PSMB10: variants seen among roughly 807,000 people sequenced by gnomAD.
PSMB10 encodes proteasome 20S subunit beta 10.
A neutral mutation model predicts 29.8 loss-of-function variants in PSMB10; 29 were observed. The ratio of observed to expected loss-of-function variants is 0.97; its 90% CI spans 0.73 to 1.33. The LOEUF (loss-of-function observed/expected upper bound fraction) is 1.33. PSMB10 is among the 40% of genes most tolerant of loss of function. PSMB10 has a pLI of 0.00. For synonymous variants in PSMB10, 157 were observed against 164.7 expected (o/e 0.95, Z 0.36); for missense variants, 327 against 369.2 (o/e 0.89, Z 0.94).
At chr16:67,935,363 A>G in intron 6 of PSMB10, 57 bp downstream of exon 6, 1 of 1,604,316 alleles carries the variant, frequency 6.2e-7, no homozygotes, top group Non-Finnish European at 8.5e-7. Context: ...GTGCTCCCCC[A>G]GCTCCCGGGT....
rs138394638 is a variant in PSMB10 at position 67,935,624 on chromosome 16, G to C, written c.457C>G (p.His153Asp). Residue 153 changes from histidine (H) to aspartate (D), a missense_variant, in exon 5 of 8, where the codon CAT (histidine) becomes GAT (aspartate). His to Asp is a moderately conservative substitution (Grantham distance 81). Coordinates refer to ENST00000358514, the MANE Select transcript of PSMB10 (RefSeq NM_002801.4). ...DLTGPQLYGVHPHGSYSRLPF... is the reference protein window; with the variant it reads ...DLTGPQLYGVDPHGSYSRLPF... Reference sequence around the variant, plus strand: ...AGACGGCTGTAGGAGCCATGGGGATGCACACCGTAGAGCTGCGGTCCAGTC... The same window carrying C: ...AGACGGCTGTAGGAGCCATGGGGATCCACACCGTAGAGCTGCGGTCCAGTC... 4 of 1,614,102 alleles carry C rather than the reference G, an allele frequency of 2.5e-6. No individual in the cohort carries two copies. In the African/African-American group the frequency reaches 5.3e-5, roughly 22 times the overall value.
In PSMB10 at chr16:67,934,690, A is replaced by C. The variant is rs1294813699; in HGVS notation, c.711-19T>G. The C allele has an allele frequency of 6.2e-7, 1 of 1,613,638 alleles. No homozygotes were observed. The highest frequency in any genetic ancestry group is 1.1e-5 in the South Asian group (1 of 91,054). ...GCCAGACCTGGGAGGGAGGAGGGAC[A>C]GCCTCTGAACATGGGCCTGTCATGT... On this transcript the variant is annotated intron_variant, in intron 7 of 7. Coordinates refer to ENST00000358514, the MANE Select transcript of PSMB10 (RefSeq NM_002801.4). The surrounding 1 kb of genome is among the most constrained non-coding windows in gnomAD (Gnocchi z 4.3).
At position 67,935,677 on chromosome 16, in the gene PSMB10, GC is replaced by G. The variant is rs759161390; in HGVS notation, c.403del (p.Ala135HisfsTer3). The part of the protein sequence containing the change: ...TLFRYQGHVG[A>X]SLIVGGVDLT... ...GTCTACGCCGCCCACGATCAGCGATGCACCCACGTGGCCCTGGTACCTGCTC... is the reference window on the plus strand; with the variant it reads ...GTCTACGCCGCCCACGATCAGCGATGACCCACGTGGCCCTGGTACCTGCTC... On this transcript the variant is annotated frameshift_variant, in exon 5 of 8. Coordinates refer to ENST00000358514, the MANE Select transcript of PSMB10 (RefSeq NM_002801.4). LOFTEE classifies it high-confidence loss of function. 1 of 1,613,928 alleles carries G rather than the reference GC, an allele frequency of 6.2e-7. No homozygotes were observed. The highest frequency in any genetic ancestry group is 8.5e-7 in the Non-Finnish European group (1 of 1,179,952).
chr16:67,936,342 TG>T lies in PSMB10; in HGVS notation c.145-31del, dbSNP rs773828181. On this transcript the variant is annotated intron_variant, in intron 2 of 7. Transcript: ENST00000358514. Reference sequence around the variant, plus strand: ...GGAGAGGGAGGGACCGCAGCTTCAGTGCCTGCTCGATACTCTCGGCTCCCCT... The same window carrying T: ...GGAGAGGGAGGGACCGCAGCTTCAGTCCTGCTCGATACTCTCGGCTCCCCT... 3.1e-6 allele frequency: 5 copies of T among 1,611,266 alleles called. No individual in the cohort carries two copies. The South Asian group carries it at 5.5e-5, about 18-fold the overall frequency.
chr16:67,934,928 C>A lies in PSMB10; in HGVS notation c.579G>T (p.Leu193=), dbSNP rs377389266. The part of the protein sequence containing the change: ...PNMTLEAAQG[L]LVEAVTAGIL... The stretch of plus-strand genomic sequence containing the variant: ...TCCCGGCGGTGACGGCTTCCACCAG[C>A]AGCCCCTGAGCAGCCTCCAGCTGCG... The change falls in exon 7 of 8, where the codon CTG becomes CTT. Residue 193 remains leucine, a synonymous_variant. Coordinates refer to ENST00000358514, the MANE Select transcript of PSMB10 (RefSeq NM_002801.4). The surrounding 1 kb of genome is among the most constrained non-coding windows in gnomAD (Gnocchi z 4.3). 2.6e-4 allele frequency: 420 copies of A among 1,612,398 alleles called. 7 individuals carry two copies. In the South Asian group the frequency reaches 3.8e-3, roughly 14 times the overall value.
chr16:67,934,551 A>T lies in PSMB10; in HGVS notation c.*9T>A. On this transcript the variant is annotated 3_prime_UTR_variant, in exon 8 of 8. Coordinates refer to ENST00000358514, the MANE Select transcript of PSMB10 (RefSeq NM_002801.4). This position sits in a 1 kb window ranked among gnomAD's most constrained non-coding sequence, Gnocchi z 4.3. ...TTATTCCCCCTTGTTCCAAGCTCTA[A>T]GCCTCAGCTTACTCCACCTCCATAG... is the stretch of plus-strand genomic sequence containing the variant. 6.2e-7 allele frequency: 1 copy of T among 1,610,490 alleles called. No homozygotes were observed. The highest frequency in any genetic ancestry group is 8.5e-7 in the Non-Finnish European group (1 of 1,176,708).
At position 67,936,697 on chromosome 16, in the gene PSMB10, T is replaced by G. The variant is rs202140443; in HGVS notation, c.53A>C (p.Gln18Pro). 1.4e-3 allele frequency: 2,128 copies of G among 1,554,954 alleles called. 4 individuals are homozygous for G. The highest frequency in any genetic ancestry group is 3.1e-3 in the Admixed American group (160 of 51,544). The change falls in exon 1 of 8, where the codon CAA becomes CCA. Residue 18 changes from glutamine to proline, a missense_variant. Transcript: ENST00000358514. ...PRGGFSFENC[Q>P]RNASLERVLP... ...GCCCCCCGCGCCCCCGCTTCACCTTTGGCAGTTCTCGAAGGAGAAGCCCCC... is the reference window on the plus strand; with the variant it reads ...GCCCCCCGCGCCCCCGCTTCACCTTGGGCAGTTCTCGAAGGAGAAGCCCCC...
chr16:67,935,005 C>G, intron 6 of PSMB10, 57 bp from the exon 7 acceptor site: 1 of 1,581,582 alleles, frequency 6.3e-7, no homozygotes, highest in Non-Finnish European at 8.6e-7. Context: ...ACTTAGGCTA[C>G]AGCCTGGGGA....
chr16:67,936,027 A>G lies in PSMB10; in HGVS notation c.319T>C (p.Leu107=), dbSNP rs20549. The G allele has an allele frequency of 0.2, 320,917 of 1,612,262 alleles. 39,887 individuals carry two copies. Among genetic ancestry groups the G allele is most frequent in the African/African-American group, 0.61 (45,893 of 74,934 alleles). ...ACGCGGGGCTCGCGGCCCGTAGATA[A>G]CGCGTGTAGCTCCATCTTGGACGCC... ...MVASKMELHA[L]STGREPRVAT... The change falls in exon 4 of 8, where the codon TTA becomes CTA. Residue 107 remains leucine (L), a synonymous_variant. Transcript: ENST00000358514.
chr16:67,936,821 C>A lies in PSMB10; in HGVS notation c.-72G>T. On this transcript the variant is annotated 5_prime_UTR_variant, in exon 1 of 8. Transcript: ENST00000358514. ...CCAGACAAGCGGGGCCAGTGAGCAGCTAAAAAGTCCTCTGCTAGGCTTCAC... is the reference window on the plus strand; with the variant it reads ...CCAGACAAGCGGGGCCAGTGAGCAGATAAAAAGTCCTCTGCTAGGCTTCAC... 4 of 1,292,656 alleles carry A rather than the reference C, an allele frequency of 3.1e-6. 1 individual carries two copies. The South Asian group carries it at 5.2e-5, about 17-fold the overall frequency. The allele number at this position is 1,292,656 out of a possible 1,614,324, so 80.1% of individuals were successfully genotyped here.
At position 67,934,871 on chromosome 16, in the gene PSMB10, C is replaced by G. The variant is rs1198728615; in HGVS notation, c.636G>C (p.Val212=). The part of the protein sequence containing the change: ...ILGDLGSGGN[V]DACVITKTGA... ...CAGTCTTTGTGATCACACATGCGTC[C>G]ACATTGCCCCCGGAGCCCAGGTCAC... The change falls in exon 7 of 8, where the codon GTG becomes GTC. Residue 212 remains valine (V), a synonymous_variant. Coordinates refer to ENST00000358514, the MANE Select transcript of PSMB10 (RefSeq NM_002801.4). The surrounding 1 kb of genome is among the most constrained non-coding windows in gnomAD (Gnocchi z 4.3). The G allele has an allele frequency of 6.2e-7, 1 of 1,614,042 alleles. No homozygotes were observed. The highest frequency in any genetic ancestry group is 8.5e-7 in the Non-Finnish European group (1 of 1,180,028).
At position 67,936,098 on chromosome 16, in the gene PSMB10, CA is replaced by C. The variant is rs2058262745; in HGVS notation, c.247del (p.Cys83ValfsTer5). On this transcript the variant is annotated frameshift_variant, in exon 4 of 8. Transcript: ENST00000358514. LOFTEE classifies it high-confidence loss of function. ...IHFIAPKIYC[C>X]GAGVAADAEM... is the part of the protein sequence containing the mutation. Reference sequence around the variant, plus strand: ...GGCGTCCGCGGCTACTCCAGCCCCACAGCAGCTGAGGCAAAAGGGAGGATCG... The same window carrying C: ...GGCGTCCGCGGCTACTCCAGCCCCACGCAGCTGAGGCAAAAGGGAGGATCG... 2 of 1,609,362 alleles carry C rather than the reference CA, an allele frequency of 1.2e-6. No homozygotes were observed. The highest frequency in any genetic ancestry group is 3.3e-5 in the Admixed American group (2 of 59,954).
In PSMB10 at chr16:67,934,980, C is replaced by T; in HGVS notation, c.559-32G>A. 1 of 1,600,146 alleles carries T rather than the reference C, an allele frequency of 6.2e-7. No individual in the cohort carries two copies. Among genetic ancestry groups the T allele is most frequent in the Non-Finnish European group, 8.5e-7 (1 of 1,177,498 alleles). On this transcript the variant is annotated intron_variant, in intron 6 of 7. Transcript: ENST00000358514. This position sits in a 1 kb window ranked among gnomAD's most constrained non-coding sequence, Gnocchi z 4.3. ...TGATGGGTGTGTGAGACCTAACGGG[C>T]TCTCTCTGCTGTTAACTTAGGCTAC...
In PSMB10 at chr16:67,936,008, G is replaced by C; in HGVS notation, c.338C>G (p.Pro113Arg). ...GATGCGAGTGACCGTGGCCACGCGG[G>C]GCTCGCGGCCCGTAGATAACGCGTG... Reference protein sequence around the residue: ...ELHALSTGREPRVATVTRILR... With the variant: ...ELHALSTGRERRVATVTRILR... The change falls in exon 4 of 8, where the codon CCC becomes CGC. Residue 113 changes from proline (P) to arginine (R), a missense_variant. Physicochemically the swap from Pro to Arg is moderately radical, Grantham distance 103. Coordinates refer to ENST00000358514, the MANE Select transcript of PSMB10 (RefSeq NM_002801.4). 6.2e-7 allele frequency: 1 copy of C among 1,612,428 alleles called. No homozygotes were observed. Among genetic ancestry groups the C allele is most frequent in the Non-Finnish European group, 8.5e-7 (1 of 1,179,320 alleles).
chr16:67,936,530 A>G (rs1598200506), intron 1 of PSMB10, 45 bp from the exon 2 acceptor site: 1 of 1,553,032 alleles, frequency 6.4e-7, no homozygotes, highest in Non-Finnish European at 8.8e-7. Flanking sequence ...TGCTTTCAAG[A>G]CCCCTGTTGC....
Position 67,934,678 on chromosome 16 carries a change from G to A in PSMB10, c.711-7C>T, listed in dbSNP as rs1414639064. 1.9e-6 allele frequency: 3 copies of A among 1,613,772 alleles called. No homozygotes were observed. The highest frequency in any genetic ancestry group is 2.5e-6 in the Non-Finnish European group (3 of 1,179,710). On this transcript the variant is annotated splice_polypyrimidine_tract_variant and splice_region_variant and intron_variant, in intron 7 of 7. Coordinates refer to ENST00000358514, the MANE Select transcript of PSMB10 (RefSeq NM_002801.4). This position sits in a 1 kb window ranked among gnomAD's most constrained non-coding sequence, Gnocchi z 4.3. ...AAAGTGGTAGCGGCCAGACCTGGGA[G>A]GGAGGAGGGACAGCCTCTGAACATG... is the stretch of plus-strand genomic sequence containing the variant.
In PSMB10 at chr16:67,936,268, C is replaced by T. The variant is rs753958753; in HGVS notation, c.189G>A (p.Ser63=). ...LGADTRATND[S]VVADKSCEKI... ...TCTCGCAGCTCTTGTCCGCCACGAC[C>T]GAATCGTTAGTGGCTCGCGTATCGG... is the stretch of plus-strand genomic sequence containing the variant. Residue 63 remains serine (S), a synonymous_variant, in exon 3 of 8, where the codon TCG becomes TCA. Transcript: ENST00000358514. 6.2e-6 allele frequency: 10 copies of T among 1,613,854 alleles called. No individual in the cohort carries two copies. In the African/African-American group the frequency reaches 1.3e-4, roughly 22 times the overall value.
chr16:67,934,987 T>G lies in PSMB10; in HGVS notation c.559-39A>C. The G allele has an allele frequency of 6.3e-7, 1 of 1,596,702 alleles. No homozygotes were observed. The highest frequency in any genetic ancestry group is 8.5e-7 in the Non-Finnish European group (1 of 1,176,118). On this transcript the variant is annotated intron_variant, in intron 6 of 7. Coordinates refer to ENST00000358514, the MANE Select transcript of PSMB10 (RefSeq NM_002801.4). This position sits in a 1 kb window ranked among gnomAD's most constrained non-coding sequence, Gnocchi z 4.3. ...TGTGTGAGACCTAACGGGCTCTCTC[T>G]GCTGTTAACTTAGGCTACAGCCTGG...
rs767015932 is a variant in PSMB10 at position 67,935,512 on chromosome 16, T to A, written c.500-34A>T. 5 of 1,613,910 alleles carry A rather than the reference T, an allele frequency of 3.1e-6. No individual in the cohort carries two copies. The African/African-American group carries it at 6.7e-5, about 22-fold the overall frequency. On this transcript the variant is annotated intron_variant, in intron 5 of 7. Transcript: ENST00000358514. ...AGGAGAAGCATCTGAAGTCAACCGC[T>A]GCGACGCCGTTTGGAGTGAGGCCAA... is the stretch of plus-strand genomic sequence containing the variant.
Sources: gnomAD v4.1 joint callset for allele counts on GRCh38, gnomAD v4.1.1 for gene constraint, Gnocchi (gnomAD v3.1) non-coding constraint, MANE v1.5 for transcripts, NCBI Gene and HGNC (gene_info 2026-07-23, HGNC 2026-07-21) for gene names.